The following PHRF1 variants were observed in gnomAD, a reference collection of about 807,000 sequenced individuals.
PHRF1 encodes the protein PHD and RING finger domain-containing protein 1.
Under a neutral mutation model 128.9 loss-of-function variants are expected in PHRF1, and 53 were observed. That is an observed-to-expected ratio of 0.41 (90% CI 0.33 to 0.52). PHRF1 has a LOEUF of 0.52. Among genes scored for constraint, PHRF1 ranks in the 20% least tolerant of loss-of-function variants. The pLI, the probability that PHRF1 is intolerant of heterozygous loss-of-function variation, is 0.21. For missense variants in PHRF1, 2,503 were observed against 2,284.5 expected, an observed-to-expected ratio of 1.10 and a Z score of -1.95; for synonymous variants, 1,178 against 980.6, an observed-to-expected ratio of 1.20 and a Z score of -3.76.
chr11:606,616 C>T lies in PHRF1; in HGVS notation c.1609+20C>T, dbSNP rs377608942. ...GGGCGGGTGAGTGCCTTCCCTGCCA[C>T]GGCCCCTTCCTCTGTGGGCTGCTGG... On this transcript the variant is annotated intron_variant, in intron 13 of 17. Transcript: ENST00000264555. 3.3e-5 allele frequency: 52 copies of T among 1,581,626 alleles called. No homozygotes were observed. Among genetic ancestry groups the T allele is most frequent in the East Asian group, 1.1e-4 (5 of 44,218 alleles).
intron 5 of PHRF1, among the ~76,000 whole-genome samples, chr11:592,125 C>G (rs976569896): frequency 2.6e-5 from 4 of 152,040 alleles, no homozygotes; most frequent in African/African-American, 9.7e-5. Flanking sequence ...CTGTGTTAGC[C>G]AGGATGGTCT....
chr11:582,828 T>C (rs944118937), intron 3 of PHRF1, among the ~76,000 whole-genome samples: 5 of 151,254 alleles, frequency 3.3e-5, no homozygotes, highest in Non-Finnish European at 7.4e-5. Flanking sequence ...CCGGCCTTTT[T>C]TCAAGACGAG....
intron 1 of PHRF1, among the ~76,000 whole-genome samples, chr11:580,789 A>G (rs1366418015): frequency 6.6e-6 from 1 of 152,140 alleles, no homozygotes; most frequent in African/African-American, 2.4e-5. Context: ...CTCAGGTGCA[A>G]GCGATTCTCC....
chr11:601,791 T>C (rs1156551082), intron 10 of PHRF1, 90 bp downstream of exon 10: 12 of 1,533,972 alleles, frequency 7.8e-6, no homozygotes, highest in Non-Finnish European at 9.8e-6. Flanking sequence ...CCGCTGGCCT[T>C]GGCACCCTCG....
In PHRF1 at chr11:597,118, T is replaced by C; in HGVS notation, c.718+98T>C. 1 of 1,264,488 alleles carries C rather than the reference T, an allele frequency of 7.9e-7. No individual in the cohort carries two copies. The highest frequency in any genetic ancestry group is 2.0e-5 in the Admixed American group (1 of 48,832). The allele number at this position is 1,264,488 out of a possible 1,614,324, so 78.3% of individuals were successfully genotyped here. On this transcript the variant is annotated intron_variant, in intron 7 of 17. Transcript: ENST00000264555. This position sits in a 1 kb window ranked among gnomAD's most constrained non-coding sequence, Gnocchi z 6.5. Reference sequence around the variant, plus strand: ...GTTTGGCTGCTGTGTGGGGAGGACATCTAGGGCTGTCTCATGGGGGTTAGG... The same window carrying C: ...GTTTGGCTGCTGTGTGGGGAGGACACCTAGGGCTGTCTCATGGGGGTTAGG...
chr11:582,707 G>A (rs1243777189), intron 3 of PHRF1, among the ~76,000 whole-genome samples: 2 of 151,144 alleles, frequency 1.3e-5, no homozygotes, highest in African/African-American at 4.9e-5. Context: ...TGTATTTTTA[G>A]TAGAGATGGG....
chr11:602,403 G>A (rs1329703233), intron 10 of PHRF1, among the ~76,000 whole-genome samples: 4 of 152,226 alleles, frequency 2.6e-5, no homozygotes, highest in East Asian at 1.9e-4. Context: ...AATTACGGCC[G>A]AGCGCGGTGG....
chr11:602,914 C>T (rs944803926), intron 10 of PHRF1, among the ~76,000 whole-genome samples: 4 of 151,866 alleles, frequency 2.6e-5, no homozygotes, highest in African/African-American at 9.7e-5. Flanking sequence ...AGGCGTGTGC[C>T]ACCACGCCCA....
At chr11:594,242 G>T (rs1007846910) in intron 6 of PHRF1, among the ~76,000 whole-genome samples, 1 of 152,140 alleles carries the variant, frequency 6.6e-6, no homozygotes. Flanking sequence ...GCCTGGAATC[G>T]CTGGACACGG....
In PHRF1 at chr11:598,459, C is replaced by G; in HGVS notation, c.981C>G (p.Arg327=). The G allele has an allele frequency of 6.2e-7, 1 of 1,610,552 alleles. No homozygotes were observed. The highest frequency in any genetic ancestry group is 1.1e-5 in the South Asian group (1 of 90,994). The change falls in exon 9 of 18, where the codon CGC becomes CGG. Residue 327 remains arginine, a synonymous_variant. Coordinates refer to ENST00000264555, the MANE Select transcript of PHRF1 (RefSeq NM_001286581.2). ...ATGLSTAVYQ[R]PLTPRTPARR... The stretch of plus-strand genomic sequence containing the variant: ...GCCTGAGCACTGCCGTGTATCAGCG[C>G]CCCCTGACGCCGCGCACTCCCGCCC...
In PHRF1 at chr11:597,023, A is replaced by G; in HGVS notation, c.718+3A>G. ...GCCTGGTGTTGTCCTTGCCGCTGGTAAGGACACTGCTCCCGTCCCAAGGCG... is the reference window on the plus strand; with the variant it reads ...GCCTGGTGTTGTCCTTGCCGCTGGTGAGGACACTGCTCCCGTCCCAAGGCG... On this transcript the variant is annotated splice_donor_region_variant and intron_variant, in intron 7 of 17. Transcript: ENST00000264555. This position sits in a 1 kb window ranked among gnomAD's most constrained non-coding sequence, Gnocchi z 6.5. 1.9e-6 allele frequency: 3 copies of G among 1,613,598 alleles called. No homozygotes were observed. The highest frequency in any genetic ancestry group is 2.5e-6 in the Non-Finnish European group (3 of 1,179,738).
At chr11:601,964 A>G (rs1855651423) in intron 10 of PHRF1, among the ~76,000 whole-genome samples, 2 of 152,218 alleles carry the variant, frequency 1.3e-5, no homozygotes, top group African/African-American at 2.4e-5. Context: ...TGTGCCCCCA[A>G]GGAACCTTCC....
Position 587,425 on chromosome 11 carries a change from C to T in PHRF1, c.381C>T (p.Ala127=). ...CCGTGGGGACGCCGGAGAACTGTGCCCATTACTTCTGCCTGGACTGCATTG... is the reference window on the plus strand; with the variant it reads ...CCGTGGGGACGCCGGAGAACTGTGCTCATTACTTCTGCCTGGACTGCATTG... ...DQAVGTPENC[A]HYFCLDCIVE... Residue 127 remains alanine (A), a synonymous_variant, in exon 4 of 18, where the codon GCC becomes GCT. Transcript: ENST00000264555. 1.2e-6 allele frequency: 2 copies of T among 1,613,466 alleles called. No homozygotes were observed. Among genetic ancestry groups the T allele is most frequent in the Non-Finnish European group, 1.7e-6 (2 of 1,179,854 alleles).
rs538450743 is a variant in PHRF1 at position 597,348 on chromosome 11, C to T, written c.719-47C>T. 3.8e-6 allele frequency: 6 copies of T among 1,579,690 alleles called. No homozygotes were observed. Among genetic ancestry groups the T allele is most frequent in the East Asian group, 2.3e-5 (1 of 44,246 alleles). ...CCACAGGGGGAGCCGTTGGGGGAGGCGTGTGGCCTGTGAGTGTGGCACATC... is the reference window on the plus strand; with the variant it reads ...CCACAGGGGGAGCCGTTGGGGGAGGTGTGTGGCCTGTGAGTGTGGCACATC... On this transcript the variant is annotated intron_variant, in intron 7 of 17. Coordinates refer to ENST00000264555, the MANE Select transcript of PHRF1 (RefSeq NM_001286581.2). This position sits in a 1 kb window ranked among gnomAD's most constrained non-coding sequence, Gnocchi z 6.5.
In PHRF1 at chr11:592,581, C is replaced by T. The variant is rs533670986; in HGVS notation, c.527C>T (p.Ala176Val). Residue 176 changes from alanine to valine, a missense_variant, in exon 6 of 18, where the codon GCG becomes GTG. Transcript: ENST00000264555. ...LRKIPVENTK[A>V]SEEEEDPTFC... The stretch of plus-strand genomic sequence containing the variant: ...TAGATCCCAGTGGAGAACACCAAAG[C>T]GAGCGAGGAGGAGGAGGACCCGACC... The T allele has an allele frequency of 3.3e-5, 54 of 1,614,064 alleles. No homozygotes were observed. The highest frequency in any genetic ancestry group is 3.1e-4 in the South Asian group (28 of 91,088).
At chr11:609,756 C>T (rs763908602) in intron 14 of PHRF1, 36 bp downstream of exon 14, 1 of 1,373,424 alleles carries the variant, frequency 7.3e-7, no homozygotes, top group East Asian at 2.5e-5. Flanking sequence ...AGGACAGAGC[C>T]CCCAGTGAGT....
chr11:587,197 C>CAA, intron 3 of PHRF1, 62 bp from the exon 4 acceptor site: 1 of 1,536,992 alleles, frequency 6.5e-7, no homozygotes. Context: ...GCCCGCTTGC[C>CAA]TCCAGTGCCG....
intron 5 of PHRF1, among the ~76,000 whole-genome samples, chr11:591,913 T>G (rs1421132721): frequency 8.1e-6 from 1 of 122,700 alleles, no homozygotes; most frequent in African/African-American, 4.0e-5. Context: ...CACCCGGCTG[T>G]TTTTTTTTTT....
Position 581,595 on chromosome 11 carries a change from C to T in PHRF1, c.83C>T (p.Ala28Val), listed in dbSNP as rs1854206497. 1 of 1,612,438 alleles carries T rather than the reference C, an allele frequency of 6.2e-7. No individual in the cohort carries two copies. The highest frequency in any genetic ancestry group is 1.7e-5 in the Admixed American group (1 of 59,884). ...GHPQVGPADP[A>V]GDFEESSVGS... ...CCACAGGTCGGCCCTGCGGACCCGGCAGGTGACTTTGGTGAGCTGCCTAGC... is the reference window on the plus strand; with the variant it reads ...CCACAGGTCGGCCCTGCGGACCCGGTAGGTGACTTTGGTGAGCTGCCTAGC... Residue 28 changes from alanine to valine, a missense_variant, in exon 2 of 18, where the codon GCA (alanine) becomes GTA (valine). Ala to Val is a moderately conservative substitution (Grantham distance 64, BLOSUM62 0). Coordinates refer to ENST00000264555, the MANE Select transcript of PHRF1 (RefSeq NM_001286581.2).
Sources: gnomAD v4.1 joint callset for allele counts (sites outside exome capture counted in the v4.1 genomes callset) on GRCh38, gnomAD v4.1.1 for gene constraint, Gnocchi (gnomAD v3.1) non-coding constraint, MANE v1.5 for transcripts, NCBI Gene and HGNC (gene_info 2026-07-23, HGNC 2026-07-21) for gene names.